RSF1: variants seen among roughly 807,000 people sequenced by gnomAD.
The protein encoded by RSF1 is HBV pX-associated protein 8.
Under a neutral mutation model 145.2 loss-of-function variants are expected in RSF1, and 13 were observed. The observed-to-expected ratio is 0.09, with a 90% CI of 0.06 to 0.14. The LOEUF is 0.14. RSF1 is among the 10% of genes least tolerant of loss of function. RSF1 has a pLI of 1.00. For missense variants in RSF1, 1,517 were observed against 1,718.2 expected, an observed-to-expected ratio of 0.88 and a Z score of 2.07; for synonymous variants, 577 against 592.6, an observed-to-expected ratio of 0.97 and a Z score of 0.38.
rs1338205939 is a variant in RSF1 at position 77,678,173 on chromosome 11, C to A, written c.3066-20G>T. 1 of 1,431,212 alleles carries A rather than the reference C, an allele frequency of 7.0e-7. No individual in the cohort carries two copies. The highest frequency in any genetic ancestry group is 9.8e-7 in the Non-Finnish European group (1 of 1,023,842). The allele number at this position is 1,431,212 out of a possible 1,614,324, so 88.7% of individuals were successfully genotyped here. On this transcript the variant is annotated intron_variant, in intron 11 of 15. Transcript: ENST00000308488. ...TCAAATCTAAAATATACACAATGAT[C>A]ACATTATAGCCTGTCCTGGCTTTTT...
At chr11:77,740,543 T>C (rs1961484146) in intron 4 of RSF1, among the ~76,000 whole-genome samples, 188 bp downstream of exon 4, 2 of 152,316 alleles carry the variant, frequency 1.3e-5, no homozygotes, top group South Asian at 4.1e-4. Context: ...AATATACTCA[T>C]TTACTTGACG....
Position 77,740,945 on chromosome 11 carries a change from T to A in RSF1, c.373-9A>T. The A allele has an allele frequency of 6.3e-7, 1 of 1,595,684 alleles. No homozygotes were observed. ...TGACACTCACAGAGGTACTGAAAAA[T>A]AGTCATAACATGACTTAAAATACCT... On this transcript the variant is annotated splice_polypyrimidine_tract_variant and intron_variant, in intron 3 of 15. Coordinates refer to ENST00000308488, the MANE Select transcript of RSF1 (RefSeq NM_016578.4).
At chr11:77,729,576 C>T (rs1961146378) in intron 4 of RSF1, among the ~76,000 whole-genome samples, 1 of 151,446 alleles carries the variant, frequency 6.6e-6, no homozygotes, top group African/African-American at 2.4e-5. Context: ...AACAGACGCC[C>T]CTGAACCCCA....
At chr11:77,845,246 G>C in the RSF1 span, among the ~76,000 whole-genome samples, 1 of 151,986 alleles carries the variant, frequency 6.6e-6, no homozygotes, top group Non-Finnish European at 1.5e-5. Flanking sequence ...ATAGGCGTTA[G>C]GGTGTCCTAC....
chr11:77,789,011 A>T (rs932010447), intron 1 of RSF1, among the ~76,000 whole-genome samples: 48 of 152,162 alleles, frequency 3.2e-4, no homozygotes, highest in Admixed American at 5.2e-4. Flanking sequence ...ATCTCAAAAA[A>T]CTAATTTTTA....
chr11:77,842,603 G>C, the RSF1 span: 1 of 1,613,526 alleles, frequency 6.2e-7, no homozygotes, highest in Non-Finnish European at 8.5e-7. Flanking sequence ...AGTCGGACTT[G>C]GGATTGGAGA....
chr11:77,785,113 T>TA (rs1224709599), intron 1 of RSF1, among the ~76,000 whole-genome samples: 5 of 152,184 alleles, frequency 3.3e-5, no homozygotes, highest in Admixed American at 3.3e-4. Flanking sequence ...GAAACCCTGG[T>TA]AGTGGTATAG....
chr11:77,767,864 G>A (rs563880542), intron 1 of RSF1, among the ~76,000 whole-genome samples: 51 of 152,092 alleles, frequency 3.4e-4, no homozygotes, highest in Non-Finnish European at 4.9e-4. Context: ...GATACAACTG[G>A]TACTATTTTT....
In RSF1 at chr11:77,794,500, T is replaced by C. The variant is rs1353331063; in HGVS notation, c.187+26028A>G. The stretch of plus-strand genomic sequence containing the variant: ...GAGTTCAAGACAAGCCCGGGCAAAA[T>C]AGTGAAACCCTGTCTATAAATAAAA... On this transcript the variant is annotated intron_variant, in intron 1 of 15. Coordinates refer to ENST00000308488, the MANE Select transcript of RSF1 (RefSeq NM_016578.4). 2.6e-5 allele frequency among the ~76,000 whole-genome samples: 4 copies of C among 151,242 alleles called. No individual in the cohort carries two copies. In the South Asian group the frequency reaches 6.3e-4, roughly 24 times the overall value.
intron 1 of RSF1, among the ~76,000 whole-genome samples, chr11:77,793,054 A>G (rs1948536132): frequency 6.6e-6 from 1 of 152,210 alleles, no homozygotes; most frequent in Non-Finnish European, 1.5e-5. Context: ...GAAAAAGAAA[A>G]GAAGAAAGAA....
intron 1 of RSF1, among the ~76,000 whole-genome samples, chr11:77,808,506 T>C: frequency 6.7e-6 from 1 of 150,288 alleles, no homozygotes; most frequent in Non-Finnish European, 1.5e-5. Context: ...TATATTTTAG[T>C]ATCCCATTCA....
rs1388306658 is a variant in RSF1, at chr11:77,820,587, G to C, written c.128C>G (p.Pro43Arg). The C allele has an allele frequency of 1.9e-6, 3 of 1,563,772 alleles. No individual in the cohort carries two copies. Among genetic ancestry groups the C allele is most frequent in the African/African-American group, 1.4e-5 (1 of 74,058 alleles). The change falls in exon 1 of 16, where the codon CCG becomes CGG. Residue 43 changes from proline to arginine, a missense_variant. Pro to Arg is a moderately radical substitution (Grantham distance 103, BLOSUM62 -2). Around this residue, in one of 12 missense-constraint regions of RSF1, gnomAD observed 85 missense variants for 91.8 expected, o/e 0.93. Transcript: ENST00000308488. ...CAGCACCCGCTCCAGCTCAGGGAAC[G>C]GCAACTCAGGCAGGTCTAGCAGCGG... The part of the protein sequence containing the change: ...YGPLLDLPEL[P>R]FPELERVLQA...
the RSF1 span, among the ~76,000 whole-genome samples, chr11:77,864,478 C>A: frequency 1.3e-5 from 2 of 151,980 alleles, no homozygotes; most frequent in Non-Finnish European, 2.9e-5. Flanking sequence ...AGTGGTTATT[C>A]TTGATTGAGA....
At chr11:77,690,180 A>C (rs1186775407) in intron 9 of RSF1, among the ~76,000 whole-genome samples, 1 of 141,898 alleles carries the variant, frequency 7.0e-6, no homozygotes, top group African/African-American at 2.7e-5. Context: ...AAAAAAAAAA[A>C]CAAAAAACCT....
intron 2 of RSF1, among the ~76,000 whole-genome samples, chr11:77,748,841 G>A (rs149090430): frequency 2.2e-3 from 334 of 152,226 alleles, no homozygotes; most frequent in African/African-American, 7.2e-3. Context: ...GAAAACGTAC[G>A]TCTACACAAA....
intron 7 of RSF1, among the ~76,000 whole-genome samples, chr11:77,697,951 A>G (rs1960322891): frequency 6.6e-6 from 1 of 152,212 alleles, no homozygotes; most frequent in Admixed American, 6.5e-5. Flanking sequence ...CTTCAGGCCT[A>G]ATTTACTTAA....
chr11:77,721,393 AACT>A (rs1263069349), intron 5 of RSF1, among the ~76,000 whole-genome samples: 3 of 152,226 alleles, frequency 2.0e-5, no homozygotes, highest in African/African-American at 7.2e-5. Context: ...AGACTACAAG[AACT>A]ACATCTGAGA....
chr11:77,760,877 G>C (rs1246745236), intron 2 of RSF1, among the ~76,000 whole-genome samples: 1 of 151,762 alleles, frequency 6.6e-6, no homozygotes, highest in Non-Finnish European at 1.5e-5. Context: ...TTGAGGGGTA[G>C]AAAAACACCC....
chr11:77,678,861 C>G (rs1959784318), intron 11 of RSF1, among the ~76,000 whole-genome samples: 2 of 152,164 alleles, frequency 1.3e-5, no homozygotes, highest in Non-Finnish European at 2.9e-5. Context: ...CCTCACCAGA[C>G]AGCATACCTG....
Sources: allele counts gnomAD v4.1 joint callset (sites outside exome capture counted in the v4.1 genomes callset), GRCh38; gene constraint gnomAD v4.1.1; regional missense constraint gnomAD v4.1.1; transcripts MANE v1.5; gene names NCBI Gene and HGNC (gene_info 2026-07-23, HGNC 2026-07-21).